MYCBP2: variants seen among roughly 807,000 people sequenced by gnomAD.
The protein encoded by MYCBP2 is MYC binding protein 2.
MYCBP2 carries 120 observed loss-of-function variants against 525.3 expected under a neutral mutation model. That is an observed-to-expected ratio of 0.23 (90% confidence interval 0.20 to 0.27). MYCBP2 has a LOEUF of 0.27. Among genes scored for constraint, MYCBP2 ranks in the 10% least tolerant of loss-of-function variants. The pLI, the probability that MYCBP2 is intolerant of heterozygous loss-of-function variation, is 1.00. For missense variants in MYCBP2, 4,149 were observed against 5,657.1 expected, an observed-to-expected ratio of 0.73 and a Z score of 8.55; for synonymous variants, 1,894 against 1,955.8, an observed-to-expected ratio of 0.97 and a Z score of 0.83.
At chr13:77,059,477 CAG>C (rs1566319924) in intron 77 of MYCBP2, 44 bp downstream of exon 77, 2 of 1,403,084 alleles carry the variant, frequency 1.4e-6, no homozygotes, top group South Asian at 1.2e-5. Flanking sequence ...AAAGGTGTCA[CAG>C]GGGAACATGG....
At chr13:77,287,029 C>A (rs2076922947) in intron 3 of MYCBP2, among the ~76,000 whole-genome samples, 1 of 146,268 alleles carries the variant, frequency 6.8e-6, no homozygotes, top group Non-Finnish European at 1.5e-5. Flanking sequence ...GGACTACAGG[C>A]GCCCGCCACC....
At chr13:77,287,077 C>G (rs1424706231) in intron 3 of MYCBP2, among the ~76,000 whole-genome samples, 2 of 150,580 alleles carry the variant, frequency 1.3e-5, no homozygotes, top group African/African-American at 2.4e-5. Flanking sequence ...TTAGTACAGA[C>G]GGGGTTTCAC....
intron 48 of MYCBP2, 49 bp downstream of exon 48, chr13:77,146,113 G>T: frequency 1.6e-6 from 2 of 1,218,634 alleles, no homozygotes; most frequent in Non-Finnish European, 2.3e-6. Context: ...TTAGTTGCAA[G>T]CAGCTGACAA....
At chr13:77,317,420 C>G (rs1432675574) in intron 1 of MYCBP2, among the ~76,000 whole-genome samples, 2 of 152,190 alleles carry the variant, frequency 1.3e-5, no homozygotes, top group Non-Finnish European at 2.9e-5. Context: ...AGAAACTGCC[C>G]AGGTGATTCA....
At chr13:77,234,924 G>A (rs182213916) in intron 17 of MYCBP2, among the ~76,000 whole-genome samples, 9 of 151,978 alleles carry the variant, frequency 5.9e-5, no homozygotes, top group East Asian at 1.9e-4. Context: ...ACCCACACCC[G>A]TTTAATGTCT....
chr13:77,119,301 G>A (rs2050292777), intron 55 of MYCBP2, among the ~76,000 whole-genome samples: 1 of 152,006 alleles, frequency 6.6e-6, no homozygotes, highest in African/African-American at 2.4e-5. Flanking sequence ...GGTGGGGAGA[G>A]GGAACTACAT....
intron 43 of MYCBP2, among the ~76,000 whole-genome samples, chr13:77,162,252 G>A (rs1427764409): frequency 2.0e-5 from 3 of 152,034 alleles, no homozygotes; most frequent in Non-Finnish European, 2.9e-5. Flanking sequence ...TAGTGTATTC[G>A]TTTTGTCTAA....
chr13:77,055,838 CT>C, intron 79 of MYCBP2, 71 bp from the exon 80 acceptor site: 1 of 1,060,778 alleles, frequency 9.4e-7, no homozygotes, highest in Non-Finnish European at 1.4e-6. Flanking sequence ...TAGCATGCAC[CT>C]AAGTGCCAAG....
At chr13:77,064,578 C>T (rs1262489276) in intron 73 of MYCBP2, 37 bp downstream of exon 73, 2 of 1,554,408 alleles carry the variant, frequency 1.3e-6, no homozygotes, top group Non-Finnish European at 1.7e-6. Flanking sequence ...ATGATACACA[C>T]CAAATTTAAA....
intron 52 of MYCBP2, among the ~76,000 whole-genome samples, chr13:77,134,744 T>C (rs1325808554): frequency 6.6e-6 from 1 of 152,204 alleles, no homozygotes; most frequent in Non-Finnish European, 1.5e-5. Context: ...GAATGTCTAA[T>C]GTTATTTTGT....
At position 77,278,793 on chromosome 13, in the gene MYCBP2, G is replaced by GGCT; in HGVS notation, c.710_712dup (p.Gln237dup). On this transcript the variant is annotated inframe_insertion, in exon 4 of 83. Transcript: ENST00000544440. ...AGGTGGCTCAGACTGGAGGCCTTCT[G>GGCT]GCTGCTGGCCCTGCAGCACGTTGAG... The GGCT allele has an allele frequency of 4.4e-6, 7 of 1,581,402 alleles. No homozygotes were observed. The highest frequency in any genetic ancestry group is 6.0e-6 in the Non-Finnish European group (7 of 1,165,684).
chr13:77,233,868 G>A (rs912207193), intron 17 of MYCBP2, among the ~76,000 whole-genome samples: 1 of 146,330 alleles, frequency 6.8e-6, no homozygotes, highest in African/African-American at 2.5e-5. Context: ...CACAGAGAGA[G>A]AGAGAGAACG....
At position 77,051,666 on chromosome 13, in the gene MYCBP2, A is replaced by C. The variant is rs374398514; in HGVS notation, c.13755+145T>G. On this transcript the variant is annotated intron_variant, in intron 81 of 82. Transcript: ENST00000544440. ...CCAAAGGAAATAATATATATGAAAT[A>C]ATGTGAAAAATTATACAACACTGAA... is the stretch of plus-strand genomic sequence containing the variant. 1.6e-4 allele frequency: 86 copies of C among 538,860 alleles called. No individual in the cohort carries two copies. In the East Asian group the frequency reaches 2.2e-3, roughly 14 times the overall value. 33.4% of individuals were successfully genotyped at this position (538,860 alleles called of 1,614,324 possible).
intron 7 of MYCBP2, among the ~76,000 whole-genome samples, chr13:77,269,641 T>A (rs1360107663): frequency 6.6e-6 from 1 of 150,902 alleles, no homozygotes; most frequent in Non-Finnish European, 1.5e-5. Flanking sequence ...AAAAAAAAAA[T>A]GTGCTAATGA....
intron 69 of MYCBP2, 40 bp downstream of exon 69, chr13:77,070,591 C>T (rs1222570138): frequency 2.8e-6 from 4 of 1,422,540 alleles, no homozygotes; most frequent in Admixed American, 3.4e-5. Context: ...CACACACACA[C>T]ACAAAACTAA....
chr13:77,108,039 T>A (rs975494288), intron 55 of MYCBP2, among the ~76,000 whole-genome samples: 3 of 152,190 alleles, frequency 2.0e-5, no homozygotes, highest in Non-Finnish European at 4.4e-5. Flanking sequence ...CTTATTTACA[T>A]AAATGTTAGT....
In MYCBP2 at chr13:77,214,582, T is replaced by C. The variant is rs1025557902; in HGVS notation, c.3058-2422A>G. On this transcript the variant is annotated intron_variant, in intron 21 of 82. Coordinates refer to ENST00000544440, the MANE Select transcript of MYCBP2 (RefSeq NM_015057.5). ...TAAAAAACGGGAAAGGGGAAATATA[T>C]ATATTTATGTACAGTCACATGTCAC... is the stretch of plus-strand genomic sequence containing the variant. Among the ~76,000 whole-genome samples, 5 of 152,128 alleles carry C rather than the reference T, an allele frequency of 3.3e-5. No individual in the cohort carries two copies. The East Asian group carries it at 9.6e-4, about 29-fold the overall frequency.
chr13:77,149,124 G>A (rs558951224), intron 47 of MYCBP2, among the ~76,000 whole-genome samples: 1 of 151,860 alleles, frequency 6.6e-6, no homozygotes, highest in Non-Finnish European at 1.5e-5. Flanking sequence ...CATTTCCTCT[G>A]GTTCTTTCTA....
intron 59 of MYCBP2, among the ~76,000 whole-genome samples, chr13:77,091,740 T>C (rs2153507): frequency 0.99 from 150,736 of 152,034 alleles, 74,738 homozygotes; most frequent in Middle Eastern, 1. Context: ...TTTTTTTAAA[T>C]AGAAGGGGTC....
Sources: gnomAD v4.1 joint callset for allele counts (sites outside exome capture counted in the v4.1 genomes callset) on GRCh38, gnomAD v4.1.1 for gene constraint, MANE v1.5 for transcripts, NCBI Gene and HGNC (gene_info 2026-07-23, HGNC 2026-07-21) for gene names.